Variants in FOXO1 observed in about 807,000 individuals in gnomAD.
FOXO1 encodes the protein forkhead box O1.
Under a neutral mutation model 44.1 loss-of-function variants are expected in FOXO1, and 6 were observed. That is an observed-to-expected ratio of 0.14 (90% CI 0.07 to 0.27). FOXO1 has a LOEUF of 0.27. Among genes scored for constraint, FOXO1 ranks in the 10% least tolerant of loss-of-function variants. The pLI, the probability that FOXO1 is intolerant of heterozygous loss-of-function variation, is 1.00. For synonymous variants in FOXO1, 380 were observed against 362.7 expected, an observed-to-expected ratio of 1.05 and a Z score of -0.54; for missense variants, 737 against 888.8, an observed-to-expected ratio of 0.83 and a Z score of 2.17.
intron 1 of FOXO1, among the ~76,000 whole-genome samples, chr13:40,606,694 C>A (rs1276899324): frequency 1.3e-5 from 2 of 152,150 alleles, no homozygotes; most frequent in Non-Finnish European, 2.9e-5. Context: ...CCAAAAGCGA[C>A]TGAGGAGGGC....
At chr13:40,604,159 C>T (rs2137882842) in intron 1 of FOXO1, among the ~76,000 whole-genome samples, 1 of 151,578 alleles carries the variant, frequency 6.6e-6, no homozygotes, top group African/African-American at 2.4e-5. Flanking sequence ...CAGAATTAGC[C>T]TAAATTTTGC....
At chr13:40,577,113 C>T (rs1330633949) in intron 1 of FOXO1, among the ~76,000 whole-genome samples, 1 of 152,172 alleles carries the variant, frequency 6.6e-6, no homozygotes, top group Non-Finnish European at 1.5e-5. Flanking sequence ...TGGGGTACTG[C>T]AGGGGCATGA....
In FOXO1 at chr13:40,593,590, C is replaced by T. The variant is rs77319404; in HGVS notation, c.631-32730G>A. Among the ~76,000 whole-genome samples the T allele has an allele frequency of 1.1e-4, 17 of 152,202 alleles. No homozygotes were observed. In the East Asian group the frequency reaches 3.3e-3, roughly 29 times the overall value. ...GGTAAAATGTAAGTAATACATATTACTTACTTAATACCTATTACTTACTAA... is the reference window on the plus strand; with the variant it reads ...GGTAAAATGTAAGTAATACATATTATTTACTTAATACCTATTACTTACTAA... On this transcript the variant is annotated intron_variant, in intron 1 of 2. Transcript: ENST00000379561.
chr13:40,657,295 G>C (rs564041115), intron 1 of FOXO1, among the ~76,000 whole-genome samples: 26 of 150,644 alleles, frequency 1.7e-4, no homozygotes, highest in African/African-American at 6.1e-4. Flanking sequence ...AATCGTAAGG[G>C]AACAATCTCC....
At chr13:40,594,494 A>C (rs1019802926) in intron 1 of FOXO1, among the ~76,000 whole-genome samples, 1 of 152,222 alleles carries the variant, frequency 6.6e-6, no homozygotes, top group Non-Finnish European at 1.5e-5. Flanking sequence ...AAATCTAGTT[A>C]CTGAAAGAGC....
chr13:40,658,882 G>C (rs1157822496), intron 1 of FOXO1, among the ~76,000 whole-genome samples: 2 of 152,112 alleles, frequency 1.3e-5, no homozygotes, highest in African/African-American at 2.4e-5. Context: ...CGTGGTGGTG[G>C]GCGCCTGTAG....
At chr13:40,643,207 T>C (rs537862813) in intron 1 of FOXO1, among the ~76,000 whole-genome samples, 26 of 152,150 alleles carry the variant, frequency 1.7e-4, no homozygotes, top group East Asian at 3.9e-4. Context: ...CCAGGTGTGA[T>C]GGCAGGCACC....
chr13:40,572,596 C>T (rs377714261), intron 1 of FOXO1, among the ~76,000 whole-genome samples: 206 of 152,244 alleles, frequency 1.4e-3, no homozygotes, highest in African/African-American at 4.7e-3. Context: ...TCGAGACTGC[C>T]GAATATATAT....
At position 40,556,534 on chromosome 13, in the gene FOXO1, T is replaced by C. The variant is rs1423391942; in HGVS notation, c.*2515A>G. ...AAGCAATCATGTACAATAACTGATA[T>C]ATACTCATTACTCCAGAAAGTCAGT... On this transcript the variant is annotated 3_prime_UTR_variant, in exon 3 of 3. Transcript: ENST00000379561. 3 of 152,644 alleles carry C rather than the reference T, an allele frequency of 2.0e-5. No individual in the cohort carries two copies. The highest frequency in any genetic ancestry group is 4.4e-5 in the Non-Finnish European group (3 of 68,044). 9.5% of individuals were successfully genotyped at this position (152,644 alleles called of 1,614,324 possible).
intron 1 of FOXO1, among the ~76,000 whole-genome samples, chr13:40,651,465 A>G (rs1377764848): frequency 6.6e-6 from 1 of 152,140 alleles, no homozygotes; most frequent in Non-Finnish European, 1.5e-5. Context: ...AAACATGCCT[A>G]ATTACAGGAA....
chr13:40,624,362 A>T (rs1183796005), intron 1 of FOXO1, among the ~76,000 whole-genome samples: 1 of 150,746 alleles, frequency 6.6e-6, no homozygotes, highest in African/African-American at 2.4e-5. Flanking sequence ...CATTCCTAAG[A>T]GCAAAGAGAA....
chr13:40,609,715 G>GA (rs200151924), intron 1 of FOXO1, among the ~76,000 whole-genome samples: 5 of 151,996 alleles, frequency 3.3e-5, no homozygotes, highest in Admixed American at 6.6e-5. Context: ...GGGTGGGGGG[G>GA]AAAAAAATTC....
intron 1 of FOXO1, among the ~76,000 whole-genome samples, chr13:40,608,461 GAAAT>G (rs1404769379): frequency 6.6e-6 from 1 of 152,202 alleles, no homozygotes; most frequent in Non-Finnish European, 1.5e-5. Context: ...ATGTGAGCAA[GAAAT>G]AAATACATAC....
rs1191462475 is a variant in FOXO1 at position 40,555,891 on chromosome 13, T to TTA, written c.*3157_*3158insTA. Reference sequence around the variant, plus strand: ...AACAAGAACGTGGAATCTGCACTGTTACTAAACTCGGGTAGCGAAATGCAG... The same window carrying TTA: ...AACAAGAACGTGGAATCTGCACTGTTTAACTAAACTCGGGTAGCGAAATGCAG... On this transcript the variant is annotated 3_prime_UTR_variant, in exon 3 of 3. Coordinates refer to ENST00000379561, the MANE Select transcript of FOXO1 (RefSeq NM_002015.4). The TTA allele has an allele frequency of 6.5e-6, 1 of 152,682 alleles. No homozygotes were observed. Among genetic ancestry groups the TTA allele is most frequent in the Non-Finnish European group, 1.5e-5 (1 of 68,050 alleles). 9.5% of individuals were successfully genotyped at this position (152,682 alleles called of 1,614,324 possible). A position where few individuals can be genotyped will look rare whatever the true frequency, so the allele number is the denominator to read the frequency against.
intron 1 of FOXO1, among the ~76,000 whole-genome samples, chr13:40,625,683 T>G (rs1396432154): frequency 6.6e-6 from 1 of 152,036 alleles, no homozygotes; most frequent in African/African-American, 2.4e-5. Context: ...AGTTTAATTT[T>G]CCACAGGGTG....
At chr13:40,583,088 T>G (rs1324641468) in intron 1 of FOXO1, among the ~76,000 whole-genome samples, 1 of 152,354 alleles carries the variant, frequency 6.6e-6, no homozygotes, top group Middle Eastern at 3.4e-3. Context: ...ACCACTAATC[T>G]GCTTGTACAT....
At chr13:40,571,592 G>A (rs1391416848) in intron 1 of FOXO1, among the ~76,000 whole-genome samples, 4 of 152,140 alleles carry the variant, frequency 2.6e-5, no homozygotes, top group Non-Finnish European at 5.9e-5. Context: ...GTGACCTAAA[G>A]GGGCCTTCCT....
At chr13:40,657,034 C>T (rs1356030700) in intron 1 of FOXO1, among the ~76,000 whole-genome samples, 1 of 152,004 alleles carries the variant, frequency 6.6e-6, no homozygotes. Context: ...GGGATTTCAC[C>T]GTGTTAGCCA....
intron 1 of FOXO1, among the ~76,000 whole-genome samples, chr13:40,596,717 C>G (rs138261349): frequency 7.7e-4 from 118 of 152,346 alleles, no homozygotes; most frequent in African/African-American, 2.8e-3. Context: ...TAAGCACGCT[C>G]TGTTCTCAAT....
Sources: gnomAD v4.1 joint callset for allele counts (sites outside exome capture counted in the v4.1 genomes callset) on GRCh38, gnomAD v4.1.1 for gene constraint, MANE v1.5 for transcripts, NCBI Gene and HGNC (gene_info 2026-07-23, HGNC 2026-07-21) for gene names.